TMEM178B: variants seen among roughly 807,000 people sequenced by gnomAD.
TMEM178B encodes the protein transmembrane protein 178B.
TMEM178B carries 5 observed loss-of-function variants against 31.0 expected under a neutral mutation model. That is an observed-to-expected ratio of 0.16 (90% CI 0.08 to 0.34). The LOEUF is 0.34. TMEM178B is among the 10% of genes least tolerant of loss of function. TMEM178B has a pLI of 1.00. For missense variants in TMEM178B, 275 were observed against 400.3 expected, an observed-to-expected ratio of 0.69 and a Z score of 2.67; for synonymous variants, 164 against 164.0, an observed-to-expected ratio of 1.00 and a Z score of 0.00.
At chr7:141,325,141 G>T (rs781246270) in intron 2 of TMEM178B, among the ~76,000 whole-genome samples, 23 of 152,096 alleles carry the variant, frequency 1.5e-4, no homozygotes, top group Non-Finnish European at 3.1e-4. Context: ...CCTGCTGAAG[G>T]TTTCATTAGG....
chr7:141,446,993 G>C (rs1013561243), intron 3 of TMEM178B, among the ~76,000 whole-genome samples: 1 of 151,972 alleles, frequency 6.6e-6, no homozygotes, highest in African/African-American at 2.4e-5. Context: ...GAAATCTTTA[G>C]ACAGGTAATG....
intron 2 of TMEM178B, among the ~76,000 whole-genome samples, chr7:141,355,996 T>C (rs1799811596): frequency 2.0e-5 from 3 of 152,216 alleles, no homozygotes; most frequent in Admixed American, 2.0e-4. Flanking sequence ...TTAATTCTCT[T>C]AGGATATTGA....
intron 2 of TMEM178B, among the ~76,000 whole-genome samples, chr7:141,382,623 T>C (rs934507097): frequency 2.0e-5 from 3 of 152,228 alleles, no homozygotes; most frequent in Non-Finnish European, 2.9e-5. Context: ...AGACCTCTTC[T>C]CATCTATTAC....
the TMEM178B span, among the ~76,000 whole-genome samples, chr7:141,488,030 A>G: frequency 6.6e-6 from 1 of 151,948 alleles, no homozygotes; most frequent in African/African-American, 2.4e-5. Context: ...GCCTTAAAAG[A>G]TAATTATCTC....
chr7:141,437,797 C>A (rs1801575754), intron 3 of TMEM178B, 52 bp downstream of exon 3: 1 of 1,533,456 alleles, frequency 6.5e-7, no homozygotes, highest in Non-Finnish European at 8.7e-7. Flanking sequence ...TCCTGTTTAC[C>A]ACAATTTGGG....
the TMEM178B span, among the ~76,000 whole-genome samples, chr7:141,492,699 C>T: frequency 6.6e-6 from 1 of 152,246 alleles, no homozygotes; most frequent in South Asian, 2.1e-4. Flanking sequence ...TTTTGTGGTT[C>T]CTAGAAACAA....
At chr7:141,499,455 A>T in the TMEM178B span, among the ~76,000 whole-genome samples, 1 of 137,936 alleles carries the variant, frequency 7.2e-6, no homozygotes, top group African/African-American at 3.0e-5. Flanking sequence ...TAGGAAGACC[A>T]CATCTCTACA....
intron 2 of TMEM178B, among the ~76,000 whole-genome samples, chr7:141,253,566 T>C (rs1304511158): frequency 6.7e-6 from 1 of 148,252 alleles, no homozygotes; most frequent in Non-Finnish European, 1.5e-5. Context: ...TTTTTTTTTT[T>C]TGAGATGGAG....
intron 3 of TMEM178B, among the ~76,000 whole-genome samples, chr7:141,460,340 G>A (rs1228144117): frequency 6.6e-6 from 1 of 152,172 alleles, no homozygotes; most frequent in Non-Finnish European, 1.5e-5. Context: ...GTGTCTCTTT[G>A]TATGTCCCAA....
intron 1 of TMEM178B, among the ~76,000 whole-genome samples, chr7:141,149,542 A>G (rs147338337): frequency 4.8e-4 from 72 of 150,602 alleles, no homozygotes; most frequent in African/African-American, 1.7e-3. Context: ...CAACAACAGC[A>G]ACAACAACAA....
chr7:141,493,302 T>A, the TMEM178B span, among the ~76,000 whole-genome samples: 2 of 152,298 alleles, frequency 1.3e-5, no homozygotes, highest in East Asian at 3.9e-4. Flanking sequence ...AGTGAGAAGA[T>A]GTTGAGTCCA....
chr7:141,458,437 T>A (rs1472402980), intron 3 of TMEM178B, among the ~76,000 whole-genome samples: 1 of 152,152 alleles, frequency 6.6e-6, no homozygotes, highest in African/African-American at 2.4e-5. Context: ...GTCTCAGAAG[T>A]GTATCTTGAG....
At chr7:141,305,994 G>A (rs753233936) in intron 2 of TMEM178B, among the ~76,000 whole-genome samples, 2 of 152,096 alleles carry the variant, frequency 1.3e-5, no homozygotes, top group Non-Finnish European at 2.9e-5. Flanking sequence ...CTGGTCTCTT[G>A]AAATACTCTC....
chr7:141,426,851 TA>T, intron 2 of TMEM178B, among the ~76,000 whole-genome samples: 1 of 152,306 alleles, frequency 6.6e-6, no homozygotes, highest in South Asian at 2.1e-4. Flanking sequence ...ATACTACATT[TA>T]TTATAACTAA....
chr7:141,252,169 T>A (rs1184549295), intron 2 of TMEM178B, among the ~76,000 whole-genome samples: 1 of 152,158 alleles, frequency 6.6e-6, no homozygotes, highest in Admixed American at 6.5e-5. Context: ...TGTGGACCTA[T>A]TGTCCAGAGG....
At chr7:141,443,711 C>T (rs1191003192) in intron 3 of TMEM178B, among the ~76,000 whole-genome samples, 3 of 152,166 alleles carry the variant, frequency 2.0e-5, no homozygotes, top group Admixed American at 1.3e-4. Context: ...ATGCAGCCCA[C>T]GCTTGAGGAA....
At chr7:141,185,495 T>A (rs974793857) in intron 1 of TMEM178B, among the ~76,000 whole-genome samples, 1 of 152,216 alleles carries the variant, frequency 6.6e-6, no homozygotes, top group Non-Finnish European at 1.5e-5. Flanking sequence ...CCTGCTGGCA[T>A]GTGGGTGCCT....
Position 141,413,431 on chromosome 7 carries a change from T to C in TMEM178B, c.497-24177T>C, listed in dbSNP as rs1801032064. On this transcript the variant is annotated intron_variant, in intron 2 of 3. Coordinates refer to ENST00000565468, the MANE Select transcript of TMEM178B (RefSeq NM_001195278.2). ...ACAAATGGCATAACAGCCTTAAGGATCTTAAGGAAAAGCAAAATAAAATTA... is the reference window on the plus strand; with the variant it reads ...ACAAATGGCATAACAGCCTTAAGGACCTTAAGGAAAAGCAAAATAAAATTA... Among the ~76,000 whole-genome samples, 5 of 152,174 alleles carry C rather than the reference T, an allele frequency of 3.3e-5. No individual in the cohort carries two copies. The South Asian group carries it at 1.0e-3, about 32-fold the overall frequency.
intron 1 of TMEM178B, among the ~76,000 whole-genome samples, chr7:141,087,664 T>G (rs1347613629): frequency 6.6e-6 from 1 of 152,150 alleles, no homozygotes; most frequent in Non-Finnish European, 1.5e-5. Flanking sequence ...TAGAGTATAT[T>G]TGTCTTCTTT....
Sources: allele counts gnomAD v4.1 joint callset (sites outside exome capture counted in the v4.1 genomes callset), GRCh38; gene constraint gnomAD v4.1.1; transcripts MANE v1.5; gene names NCBI Gene and HGNC (gene_info 2026-07-23, HGNC 2026-07-21).